Variants in SMARCA2 observed in about 807,000 individuals in gnomAD.
The protein encoded by SMARCA2 is SWI/SNF-related matrix-associated actin-dependent regulator of chromatin subfamily A member 2.
SMARCA2 carries 61 observed loss-of-function variants against 199.8 expected under a neutral mutation model. That is an observed-to-expected ratio of 0.31 (90% CI 0.25 to 0.38). The LOEUF (loss-of-function observed/expected upper bound fraction) is 0.38, where lower values mean the gene tolerates loss of function less well. Among genes scored for constraint, SMARCA2 ranks in the 10% least tolerant of loss-of-function variants. The probability of loss-of-function intolerance (pLI) is 1.00; values close to 1 mark genes in which losing one functional copy is unlikely to be tolerated. For synonymous variants in SMARCA2, 935 were observed against 732.0 expected, an observed-to-expected ratio of 1.28 and a Z score of -4.48; for missense variants, 1,344 against 2,012.2, an observed-to-expected ratio of 0.67 and a Z score of 6.35.
intron 28 of SMARCA2, among the ~76,000 whole-genome samples, chr9:2,163,253 T>C (rs1825774754): frequency 6.6e-6 from 1 of 152,228 alleles, no homozygotes; most frequent in African/African-American, 2.4e-5. Flanking sequence ...ACCAGGTCTC[T>C]CAGATTTTGT....
chr9:2,154,048 C>G (rs1435893017), intron 27 of SMARCA2, among the ~76,000 whole-genome samples: 1 of 152,166 alleles, frequency 6.6e-6, no homozygotes, highest in African/African-American at 2.4e-5. Context: ...GTTTATGCAG[C>G]CAGACTTTGA....
At chr9:2,149,193 G>A (rs2130713340) in intron 27 of SMARCA2, among the ~76,000 whole-genome samples, 1 of 151,292 alleles carries the variant, frequency 6.6e-6, no homozygotes, top group East Asian at 1.9e-4. Flanking sequence ...CTTACATGGT[G>A]GCGGCAAGAG....
chr9:2,178,285 T>TA (rs1826767817), intron 29 of SMARCA2, among the ~76,000 whole-genome samples: 1 of 152,150 alleles, frequency 6.6e-6, no homozygotes, highest in Admixed American at 6.5e-5. Context: ...CTCCCCCACT[T>TA]ACCCCATGTC....
chr9:2,176,463 C>T (rs1003368569), intron 29 of SMARCA2, among the ~76,000 whole-genome samples: 1 of 152,032 alleles, frequency 6.6e-6, no homozygotes, highest in African/African-American at 2.4e-5. Context: ...GCTGAGTGAA[C>T]CCTTTTCAGT....
At chr9:2,092,658 T>G (rs1822108768) in intron 19 of SMARCA2, among the ~76,000 whole-genome samples, 1 of 152,178 alleles carries the variant, frequency 6.6e-6, no homozygotes, top group East Asian at 1.9e-4. Context: ...TTTGCCTACT[T>G]TTAGGGACCA....
At chr9:2,165,494 G>A (rs1159415560) in intron 28 of SMARCA2, among the ~76,000 whole-genome samples, 1 of 152,178 alleles carries the variant, frequency 6.6e-6, no homozygotes, top group Non-Finnish European at 1.5e-5. Context: ...AGTAACTGCT[G>A]TCTATTCAGA....
At chr9:2,173,281 C>T (rs1266946494) in intron 29 of SMARCA2, among the ~76,000 whole-genome samples, 1 of 152,160 alleles carries the variant, frequency 6.6e-6, no homozygotes, top group Non-Finnish European at 1.5e-5. Flanking sequence ...CATTAGCAGC[C>T]CTTGATGTTG....
At chr9:2,047,513 C>T (rs1285487997) in intron 5 of SMARCA2, 29 bp downstream of exon 5, 1 of 1,359,758 alleles carries the variant, frequency 7.4e-7, no homozygotes, top group Admixed American at 2.9e-5. Flanking sequence ...AAGGGGCCCC[C>T]TGCGGTGTGC....
chr9:2,018,830 C>A (rs927975213), intron 1 of SMARCA2, among the ~76,000 whole-genome samples: 5 of 152,126 alleles, frequency 3.3e-5, no homozygotes, highest in African/African-American at 9.7e-5. Context: ...GTAGTATTTT[C>A]CATCTGTTAT....
chr9:2,174,674 A>C (rs1826437876), intron 29 of SMARCA2, among the ~76,000 whole-genome samples: 1 of 152,064 alleles, frequency 6.6e-6, no homozygotes, highest in South Asian at 2.1e-4. Context: ...AATTCCCAGC[A>C]CTTTGGGAGG....
At chr9:2,027,833 T>A (rs1173438442) in intron 1 of SMARCA2, 1 of 152,198 alleles carries the variant, frequency 6.6e-6, no homozygotes, top group African/African-American at 2.4e-5. Flanking sequence ...CAGCAAAAAG[T>A]TTCTCCATGT....
chr9:2,048,661 G>A (rs757129090), intron 5 of SMARCA2, among the ~76,000 whole-genome samples: 2 of 152,110 alleles, frequency 1.3e-5, no homozygotes, highest in Non-Finnish European at 2.9e-5. Flanking sequence ...GCCATTAGAT[G>A]TGTTTATTTT....
chr9:2,027,426 A>G (rs1453037261), intron 1 of SMARCA2, among the ~76,000 whole-genome samples: 3 of 152,182 alleles, frequency 2.0e-5, no homozygotes, highest in Non-Finnish European at 4.4e-5. Context: ...GGCAATAGAG[A>G]GAGGCCCTGT....
Position 2,156,627 on chromosome 9 carries a change from C to T in SMARCA2, c.3982-5059C>T, listed in dbSNP as rs531841514. Among the ~76,000 whole-genome samples the T allele has an allele frequency of 7.9e-5, 12 of 152,074 alleles. No homozygotes were observed. In the East Asian group the frequency reaches 2.1e-3, roughly 27 times the overall value. Reference sequence around the variant, plus strand: ...TGTATTTTTAGTAGAGATGGGGCTTCTCCATGTTGGTTAGGCTGGTCTCAA... The same window carrying T: ...TGTATTTTTAGTAGAGATGGGGCTTTTCCATGTTGGTTAGGCTGGTCTCAA... On this transcript the variant is annotated intron_variant, in intron 27 of 33. Transcript: ENST00000349721.
intron 29 of SMARCA2, among the ~76,000 whole-genome samples, chr9:2,176,378 C>T (rs962080328): frequency 5.3e-5 from 8 of 151,958 alleles, no homozygotes; most frequent in African/African-American, 1.2e-4. Flanking sequence ...GAGTAGATTA[C>T]CAAAAGTAAA....
chr9:2,016,118 A>C lies in SMARCA2; in HGVS notation c.-37+714A>C, dbSNP rs1432496119. On this transcript the variant is annotated intron_variant, in intron 1 of 33. Coordinates refer to ENST00000349721, the MANE Select transcript of SMARCA2 (RefSeq NM_003070.5). This position sits in a 1 kb window ranked among gnomAD's most constrained non-coding sequence, Gnocchi z 5.6. The stretch of plus-strand genomic sequence containing the variant: ...AGAAGCCTGAGCTGACGCGCGAAGG[A>C]GGTAGCGGCCACTGCCGCGGGGCCG... 1 of 152,324 alleles carries C rather than the reference A, an allele frequency of 6.6e-6. No homozygotes were observed. Among genetic ancestry groups the C allele is most frequent in the Non-Finnish European group, 1.5e-5 (1 of 68,164 alleles). 9.4% of individuals were successfully genotyped at this position (152,324 alleles called of 1,614,324 possible).
intron 12 of SMARCA2, among the ~76,000 whole-genome samples, chr9:2,074,528 G>T (rs952506862): frequency 6.6e-6 from 1 of 152,142 alleles, no homozygotes; most frequent in Non-Finnish European, 1.5e-5. Context: ...CTTTTGTAAA[G>T]AGAAAGAATA....
intron 1 of SMARCA2, among the ~76,000 whole-genome samples, chr9:2,024,482 C>T (rs770546289): frequency 6.6e-6 from 1 of 152,156 alleles, no homozygotes; most frequent in East Asian, 1.9e-4. Flanking sequence ...CTAGTAGATA[C>T]TCGGTATGGT....
At chr9:2,162,399 T>G (rs1270128071) in intron 28 of SMARCA2, among the ~76,000 whole-genome samples, 1 of 152,234 alleles carries the variant, frequency 6.6e-6, no homozygotes, top group Non-Finnish European at 1.5e-5. Context: ...AATTATCTCT[T>G]TCTTCCTAAT....
Sources: allele counts gnomAD v4.1 joint callset (sites outside exome capture counted in the v4.1 genomes callset), GRCh38; gene constraint gnomAD v4.1.1; non-coding constraint Gnocchi (gnomAD v3.1); transcripts MANE v1.5; gene names NCBI Gene and HGNC (gene_info 2026-07-23, HGNC 2026-07-21).